Variants in CELF2 observed in about 807,000 individuals in gnomAD.
The protein encoded by CELF2 is CUG triplet repeat RNA-binding protein 2.
CELF2 carries 8 observed loss-of-function variants against 62.6 expected under a neutral mutation model. The observed-to-expected ratio is 0.13, with a 90% CI of 0.07 to 0.23. The LOEUF is 0.23. Ranked by LOEUF, CELF2 falls within the 10% of genes least tolerant of loss-of-function variation. The probability of loss-of-function intolerance (pLI) is 1.00; values close to 1 mark genes in which losing one functional copy is unlikely to be tolerated. For missense variants in CELF2, 333 were observed against 671.0 expected, an observed-to-expected ratio of 0.50 and a Z score of 5.56; for synonymous variants, 258 against 250.0, an observed-to-expected ratio of 1.03 and a Z score of -0.30.
chr10:10,969,851 C>G (rs1295101119), intron 2 of CELF2, among the ~76,000 whole-genome samples: 2 of 152,180 alleles, frequency 1.3e-5, no homozygotes, highest in African/African-American at 4.8e-5. Context: ...CCTGCTTCAT[C>G]TATAGGAAGT....
At chr10:10,675,254 G>A in the CELF2 span, among the ~76,000 whole-genome samples, 1 of 152,182 alleles carries the variant, frequency 6.6e-6, no homozygotes, top group East Asian at 1.9e-4. Flanking sequence ...ACTTCACAGG[G>A]TATAGGAGTC....
At chr10:10,572,851 T>C in the CELF2 span, among the ~76,000 whole-genome samples, 3 of 152,180 alleles carry the variant, frequency 2.0e-5, no homozygotes, top group Non-Finnish European at 4.4e-5. Flanking sequence ...AATAGAATGA[T>C]TTATATTCTT....
chr10:10,761,205 A>G, the CELF2 span, among the ~76,000 whole-genome samples: 1 of 152,212 alleles, frequency 6.6e-6, no homozygotes, highest in Non-Finnish European at 1.5e-5. Context: ...TGATTATTTG[A>G]GGGGAGGTAG....
chr10:11,163,687 T>A (rs1374323141), intron 1 of CELF2, among the ~76,000 whole-genome samples: 2 of 152,228 alleles, frequency 1.3e-5, no homozygotes, highest in Non-Finnish European at 2.9e-5. Context: ...TTAGACAGTC[T>A]GATTGTTTAT....
chr10:11,010,119 C>T lies in CELF2; in HGVS notation c.53+4679C>T, dbSNP rs570231932. The T allele has an allele frequency of 6.6e-6, 1 of 152,232 alleles. No homozygotes were observed. The highest frequency in any genetic ancestry group is 1.5e-5 in the Non-Finnish European group (1 of 68,040). 9.4% of individuals were successfully genotyped at this position (152,232 alleles called of 1,614,324 possible). ...TGCTTTGCTTTGTGAACATCCTGGG[C>T]TGAGAGTCCAGCTCTCCTCTGGGCT... On this transcript the variant is annotated intron_variant, in intron 1 of 12. Coordinates refer to the CELF2 transcript ENST00000416382. This position sits in a 1 kb window ranked among gnomAD's most constrained non-coding sequence, Gnocchi z 4.1.
chr10:10,710,639 T>A, the CELF2 span, among the ~76,000 whole-genome samples: 1 of 152,186 alleles, frequency 6.6e-6, no homozygotes, highest in East Asian at 1.9e-4. Context: ...TTCTCACTGT[T>A]GTTTCTCTTT....
the CELF2 span, among the ~76,000 whole-genome samples, chr10:10,570,160 G>T: frequency 2.0e-5 from 3 of 152,146 alleles, no homozygotes; most frequent in Admixed American, 2.0e-4. Flanking sequence ...GTCTACAAGG[G>T]CATTGAGGGG....
intron 1 of CELF2, among the ~76,000 whole-genome samples, chr10:11,123,830 C>T (rs1446366829): frequency 6.6e-6 from 1 of 152,098 alleles, no homozygotes; most frequent in Non-Finnish European, 1.5e-5. Flanking sequence ...AAGACCTGTA[C>T]CTTTTGTTTT....
At position 11,159,130 on chromosome 10, in the gene CELF2, G is replaced by A. The variant is rs1323677426; in HGVS notation, c.75-6356G>A. Among the ~76,000 whole-genome samples, 1 of 152,086 alleles carries A rather than the reference G, an allele frequency of 6.6e-6. No homozygotes were observed. The highest frequency in any genetic ancestry group is 1.9e-4 in the East Asian group (1 of 5,190). On this transcript the variant is annotated intron_variant, in intron 1 of 12. Coordinates refer to ENST00000633077, the MANE Select transcript of CELF2 (RefSeq NM_001326342.2). This position sits in a 1 kb window ranked among gnomAD's most constrained non-coding sequence, Gnocchi z 5.0. ...TGTGGCCATCTCAGAGATGGTTTGG[G>A]GCCTCATTCCATAATTTATGTGGCA...
the CELF2 span, among the ~76,000 whole-genome samples, chr10:10,498,386 G>T: frequency 3.3e-5 from 5 of 152,304 alleles, no homozygotes; most frequent in East Asian, 7.7e-4. Context: ...AAAACCTGCC[G>T]AATGGCTAAC....
the CELF2 span, among the ~76,000 whole-genome samples, chr10:10,717,858 T>G: frequency 6.6e-6 from 1 of 152,206 alleles, no homozygotes; most frequent in East Asian, 1.9e-4. Context: ...AGTGTCTCTG[T>G]GGATATTAAT....
At chr10:11,054,726 G>A (rs552436939) in intron 1 of CELF2, among the ~76,000 whole-genome samples, 1 of 152,032 alleles carries the variant, frequency 6.6e-6, no homozygotes, top group African/African-American at 2.4e-5. Flanking sequence ...TTTTCTAGTG[G>A]TTTTTTTCTT....
intron 1 of CELF2, among the ~76,000 whole-genome samples, chr10:11,164,712 C>T (rs191770262): frequency 4.6e-5 from 7 of 150,762 alleles, no homozygotes; most frequent in East Asian, 2.0e-4. Context: ...TCTGAGATCT[C>T]CTTTGCCTCT....
chr10:10,625,928 T>C, the CELF2 span, among the ~76,000 whole-genome samples: 1 of 151,574 alleles, frequency 6.6e-6, no homozygotes. Flanking sequence ...TTTTTTTTTC[T>C]TCTAAAAATA....
chr10:10,992,690 T>G (rs772633279), intron 2 of CELF2, among the ~76,000 whole-genome samples: 7 of 152,294 alleles, frequency 4.6e-5, no homozygotes, highest in Admixed American at 1.3e-4. Context: ...CAATAGATGA[T>G]GGATATATAG....
At chr10:10,873,391 G>A (rs1431965163) in intron 1 of CELF2, among the ~76,000 whole-genome samples, 1 of 152,176 alleles carries the variant, frequency 6.6e-6, no homozygotes, top group Non-Finnish European at 1.5e-5. Context: ...CGGGGTAACA[G>A]TATTAGTGAT....
the CELF2 span, among the ~76,000 whole-genome samples, chr10:10,598,745 T>C: frequency 6.9e-6 from 1 of 145,108 alleles, no homozygotes; most frequent in African/African-American, 2.6e-5. Flanking sequence ...CTTTTTCTTT[T>C]TCTTTCTTTT....
At position 11,321,267 on chromosome 10, in the gene CELF2, C is replaced by A. The variant is rs1306407872; in HGVS notation, c.1175C>A (p.Thr392Asn). ...GGCTTGACGAATGGCACGGCTGGCA[C>A]CATGGACGCCCTCACCCAGGCCTAC... The part of the protein sequence containing the change: ...ATGLTNGTAG[T>N]MDALTQAYSG... The change falls in exon 11 of 13, where the codon ACC becomes AAC. Residue 392 changes from threonine to asparagine, a missense_variant. This residue lies in a region of CELF2 where 253 missense variants were observed against 503.0 expected (regional missense o/e 0.50). Coordinates refer to ENST00000633077, the MANE Select transcript of CELF2 (RefSeq NM_001326342.2). The surrounding 1 kb of genome is among the most constrained non-coding windows in gnomAD (Gnocchi z 6.2). The A allele has an allele frequency of 6.2e-7, 1 of 1,614,020 alleles. No homozygotes were observed. The highest frequency in any genetic ancestry group is 1.1e-5 in the South Asian group (1 of 91,086).
At chr10:10,861,454 T>TGGA (rs1384628165) in intron 1 of CELF2, among the ~76,000 whole-genome samples, 1 of 152,230 alleles carries the variant, frequency 6.6e-6, no homozygotes, top group African/African-American at 2.4e-5. Context: ...ACTCATAGTA[T>TGGA]GGAGGCAGCC....
Sources: gnomAD v4.1 joint callset for allele counts (sites outside exome capture counted in the v4.1 genomes callset) on GRCh38, gnomAD v4.1.1 for gene constraint, gnomAD v4.1.1 regional missense constraint, Gnocchi (gnomAD v3.1) non-coding constraint, MANE v1.5 for transcripts, NCBI Gene and HGNC (gene_info 2026-07-23, HGNC 2026-07-21) for gene names.